SGPP2: variants seen among roughly 807,000 people sequenced by gnomAD.
SGPP2 encodes the protein sphingosine-1-phosphate phosphatase 2, also known as sphingosine 1-phosphate phosphohydrolase 2.
SGPP2 carries 30 observed loss-of-function variants against 33.9 expected under a neutral mutation model. The ratio of observed to expected loss-of-function variants is 0.89; its 90% confidence interval spans 0.66 to 1.20. The LOEUF is 1.20. Among genes scored for constraint, SGPP2 ranks in the 50% most tolerant of loss-of-function variants. The pLI, the probability that SGPP2 is intolerant of heterozygous loss-of-function variation, is 0.00. For synonymous variants in SGPP2, 233 were observed against 225.0 expected (o/e 1.04, Z -0.32); for missense variants, 458 against 532.1 (o/e 0.86, Z 1.37).
At chr2:222,470,679 A>G (rs1697825055) in intron 1 of SGPP2, among the ~76,000 whole-genome samples, 1 of 152,230 alleles carries the variant, frequency 6.6e-6, no homozygotes, top group African/African-American at 2.4e-5. Flanking sequence ...ATAATGTCAT[A>G]TAACACTTGG....
intron 4 of SGPP2, among the ~76,000 whole-genome samples, chr2:222,542,380 T>C (rs898848049): frequency 2.6e-5 from 4 of 152,240 alleles, no homozygotes; most frequent in African/African-American, 9.6e-5. Context: ...CAAACTTTCT[T>C]TTATGTGCCT....
At chr2:222,431,010 A>T (rs899675597) in intron 1 of SGPP2, among the ~76,000 whole-genome samples, 1 of 152,128 alleles carries the variant, frequency 6.6e-6, no homozygotes, top group Non-Finnish European at 1.5e-5. Context: ...AAAAATAAGG[A>T]AGCCTGTGTA....
chr2:222,434,331 C>T (rs898903442), intron 1 of SGPP2, among the ~76,000 whole-genome samples: 4 of 152,078 alleles, frequency 2.6e-5, no homozygotes, highest in Non-Finnish European at 5.9e-5. Flanking sequence ...GTTTATGGGG[C>T]ACAGCGCAAT....
At chr2:222,446,858 T>C (rs912844516) in intron 1 of SGPP2, among the ~76,000 whole-genome samples, 1 of 152,192 alleles carries the variant, frequency 6.6e-6, no homozygotes, top group Non-Finnish European at 1.5e-5. Flanking sequence ...GAAATGTTAC[T>C]GAAATAAATG....
intron 1 of SGPP2, among the ~76,000 whole-genome samples, chr2:222,445,991 G>A (rs1038386893): frequency 6.6e-6 from 1 of 152,126 alleles, no homozygotes; most frequent in Admixed American, 6.5e-5. Flanking sequence ...ACTAGAAGTG[G>A]GATTAAATGT....
intron 1 of SGPP2, among the ~76,000 whole-genome samples, chr2:222,451,129 A>G (rs189869740): frequency 2.1e-3 from 240 of 115,782 alleles, no homozygotes; most frequent in African/African-American, 7.7e-3. Context: ...AATAAAAACC[A>G]TACAAAAAGA....
intron 1 of SGPP2, among the ~76,000 whole-genome samples, chr2:222,472,878 G>A (rs1288249246): frequency 6.6e-6 from 1 of 152,194 alleles, no homozygotes; most frequent in Non-Finnish European, 1.5e-5. Flanking sequence ...GCCAGGCATG[G>A]TGGTGCACTT....
chr2:222,479,772 A>G (rs943993821), intron 2 of SGPP2, among the ~76,000 whole-genome samples: 2 of 152,106 alleles, frequency 1.3e-5, no homozygotes, highest in African/African-American at 4.8e-5. Context: ...TGTGGGAGTT[A>G]TTTATATCCT....
chr2:222,455,913 T>G (rs1048217620), intron 1 of SGPP2, among the ~76,000 whole-genome samples: 7 of 151,906 alleles, frequency 4.6e-5, no homozygotes, highest in Admixed American at 2.6e-4. Flanking sequence ...ACAAAAGTTT[T>G]TAAAAATTAA....
At chr2:222,457,004 A>C (rs935031179) in intron 1 of SGPP2, among the ~76,000 whole-genome samples, 1 of 152,100 alleles carries the variant, frequency 6.6e-6, no homozygotes, top group Non-Finnish European at 1.5e-5. Context: ...TACCCTCCCC[A>C]AGTTCCATTT....
chr2:222,457,168 T>A (rs1457106518), intron 1 of SGPP2, among the ~76,000 whole-genome samples: 1 of 152,052 alleles, frequency 6.6e-6, no homozygotes, highest in Non-Finnish European at 1.5e-5. Flanking sequence ...ATTCAGTGGT[T>A]TTTTTAATTG....
intron 4 of SGPP2, among the ~76,000 whole-genome samples, chr2:222,529,988 A>T (rs1698815580): frequency 6.6e-6 from 1 of 152,202 alleles, no homozygotes; most frequent in Admixed American, 6.5e-5. Context: ...AACAACATAA[A>T]TCTTGTACAT....
At position 222,424,734 on chromosome 2, in the gene SGPP2, G is replaced by T; in HGVS notation, c.132G>T (p.Arg44=). The change falls in exon 1 of 5, where the codon CGG becomes CGT. Residue 44 remains arginine, a synonymous_variant. Coordinates refer to ENST00000321276, the MANE Select transcript of SGPP2 (RefSeq NM_152386.4). ...CGGACCCCACGGAGCGCGCGGCGCG[G>T]GTCCCCGGGGTCGAGCATCTCCCCG... is the stretch of plus-strand genomic sequence containing the variant. ...NGADPTERAA[R]VPGVEHLPAA... 3.5e-6 allele frequency: 5 copies of T among 1,429,172 alleles called. No individual in the cohort carries two copies. The highest frequency in any genetic ancestry group is 4.6e-6 in the Non-Finnish European group (5 of 1,092,948). 88.5% of individuals were successfully genotyped at this position (1,429,172 alleles called of 1,614,324 possible).
At chr2:222,424,853 G>C in intron 1 of SGPP2, 32 bp downstream of exon 1, 1 of 1,304,192 alleles carries the variant, frequency 7.7e-7, no homozygotes, top group Non-Finnish European at 9.7e-7. Context: ...CCGGGTACGG[G>C]GAGGGGGCGG....
At chr2:222,537,866 T>C (rs546740044) in intron 4 of SGPP2, among the ~76,000 whole-genome samples, 1 of 152,344 alleles carries the variant, frequency 6.6e-6, no homozygotes, top group South Asian at 2.1e-4. Flanking sequence ...CTATCTAATA[T>C]TATGTAATTT....
chr2:222,535,437 T>C (rs1043330765), intron 4 of SGPP2, among the ~76,000 whole-genome samples: 2 of 150,950 alleles, frequency 1.3e-5, no homozygotes, highest in Admixed American at 6.6e-5. Context: ...AAGTGGAGGA[T>C]GAATCCGCTG....
At chr2:222,507,260 T>C (rs1698458734) in intron 2 of SGPP2, among the ~76,000 whole-genome samples, 1 of 152,114 alleles carries the variant, frequency 6.6e-6, no homozygotes, top group Admixed American at 6.5e-5. Context: ...GGTTTTACTG[T>C]TTTGGATGCA....
At chr2:222,496,699 C>T (rs1250653857) in intron 2 of SGPP2, among the ~76,000 whole-genome samples, 3 of 152,180 alleles carry the variant, frequency 2.0e-5, no homozygotes, top group Non-Finnish European at 4.4e-5. Context: ...CCCTACATAT[C>T]CAGTAGGTAC....
rs1410054609 is a variant in SGPP2 at position 222,476,716 on chromosome 2, A to G, written c.378+1990A>G. On this transcript the variant is annotated intron_variant, in intron 2 of 4. Coordinates refer to ENST00000321276, the MANE Select transcript of SGPP2 (RefSeq NM_152386.4). The surrounding 1 kb of genome is among the most constrained non-coding windows in gnomAD (Gnocchi z 4.3). ...GCGTGTGTAAGGTATAACTGTATAT[A>G]TATGTATGTGTGTATATAGGTGTGT... 6.6e-6 allele frequency among the ~76,000 whole-genome samples: 1 copy of G among 151,774 alleles called. No homozygotes were observed. The highest frequency in any genetic ancestry group is 1.9e-4 in the East Asian group (1 of 5,176).
Sources: gnomAD v4.1 joint callset for allele counts (sites outside exome capture counted in the v4.1 genomes callset) on GRCh38, gnomAD v4.1.1 for gene constraint, Gnocchi (gnomAD v3.1) non-coding constraint, MANE v1.5 for transcripts, NCBI Gene and HGNC (gene_info 2026-07-23, HGNC 2026-07-21) for gene names.